The following LPP variants were observed in gnomAD, a reference collection of about 807,000 sequenced individuals.
LPP encodes lipoma-preferred partner.
In LPP, 38 loss-of-function variants were observed where a neutral mutation model predicts 60.4. The observed-to-expected ratio is 0.63, with a 90% CI of 0.49 to 0.83. The LOEUF (loss-of-function observed/expected upper bound fraction) is 0.83, where lower values mean the gene tolerates loss of function less well. LPP is among the 40% of genes least tolerant of loss of function. The pLI, the probability that LPP is intolerant of heterozygous loss-of-function variation, is 0.00. For synonymous variants in LPP, 328 were observed against 290.8 expected (o/e 1.13, Z -1.30); for missense variants, 902 against 783.6 (o/e 1.15, Z -1.80).
intron 4 of LPP, among the ~76,000 whole-genome samples, chr3:188,477,134 C>G (rs961003955): frequency 6.6e-6 from 1 of 152,214 alleles, no homozygotes; most frequent in Non-Finnish European, 1.5e-5. Context: ...CTTCCTCACA[C>G]CACTGTATCT....
At chr3:188,360,626 G>T (rs1769011433) in intron 3 of LPP, among the ~76,000 whole-genome samples, 1 of 152,040 alleles carries the variant, frequency 6.6e-6, no homozygotes, top group African/African-American at 2.4e-5. Context: ...CAAAGTGCTG[G>T]GATTACAGTC....
At chr3:188,306,800 G>T (rs879801810) in intron 2 of LPP, among the ~76,000 whole-genome samples, 8 of 152,170 alleles carry the variant, frequency 5.3e-5, no homozygotes, top group Admixed American at 3.9e-4. Flanking sequence ...AAACTCTTTG[G>T]TTTTTAAAAT....
chr3:188,748,100 G>C (rs574079339), intron 8 of LPP, among the ~76,000 whole-genome samples: 1 of 152,260 alleles, frequency 6.6e-6, no homozygotes, highest in East Asian at 1.9e-4. Flanking sequence ...AGATATATAA[G>C]TACATCTGCT....
chr3:188,548,598 G>A (rs1827272269), intron 6 of LPP, among the ~76,000 whole-genome samples: 1 of 152,058 alleles, frequency 6.6e-6, no homozygotes, highest in Admixed American at 6.6e-5. Context: ...GCCTTCTTTT[G>A]GGGGGATATT....
chr3:188,592,872 C>A (rs559605871), intron 6 of LPP, among the ~76,000 whole-genome samples: 1 of 151,828 alleles, frequency 6.6e-6, no homozygotes, highest in South Asian at 2.1e-4. Context: ...CTGTCTTACA[C>A]GAGGGCTTGC....
chr3:188,432,722 T>G (rs1161556661), intron 4 of LPP, among the ~76,000 whole-genome samples: 1 of 152,154 alleles, frequency 6.6e-6, no homozygotes, highest in Non-Finnish European at 1.5e-5. Flanking sequence ...TCTTTATTAC[T>G]TTTTGACATT....
chr3:188,714,728 G>T (rs1713087526), intron 8 of LPP, among the ~76,000 whole-genome samples: 1 of 151,976 alleles, frequency 6.6e-6, no homozygotes, highest in Admixed American at 6.6e-5. Flanking sequence ...TAAAGCAGTT[G>T]GATGAGTCTA....
intron 2 of LPP, among the ~76,000 whole-genome samples, chr3:188,293,364 T>C (rs931920165): frequency 7.2e-5 from 11 of 152,238 alleles, no homozygotes; most frequent in Admixed American, 2.0e-4. Context: ...AATCTAGCTA[T>C]ATCATGTTAG....
At chr3:188,650,100 C>T (rs1426307208) in intron 7 of LPP, among the ~76,000 whole-genome samples, 3 of 152,174 alleles carry the variant, frequency 2.0e-5, no homozygotes, top group Non-Finnish European at 4.4e-5. Flanking sequence ...TGCATCCATC[C>T]ATCCATTCAT....
In LPP at chr3:188,785,423, ATATATATATTC is replaced by A. The variant is rs1741281964; in HGVS notation, c.1410+25142_1410+25152del. On this transcript the variant is annotated intron_variant, in intron 9 of 11. Transcript: ENST00000617246. ...TTCCATCATATATATATATTCCATCATATATATATTCCATCATATATATATATTCCATCATA... is the reference window on the plus strand; with the variant it reads ...TTCCATCATATATATATATTCCATCACATCATATATATATATTCCATCATA... Among the ~76,000 whole-genome samples, 9 of 13,242 alleles carry A rather than the reference ATATATATATTC, an allele frequency of 6.8e-4. 1 individual carries two copies. Among genetic ancestry groups the A allele is most frequent in the African/African-American group, 3.9e-3 (7 of 1,810 alleles). The allele number at this position is 13,242 out of a possible 152,430, so 8.7% of individuals were successfully genotyped here. A position where few individuals can be genotyped will look rare whatever the true frequency, so the allele number is the denominator to read the frequency against.
intron 7 of LPP, among the ~76,000 whole-genome samples, chr3:188,678,450 A>T (rs1281893208): frequency 6.6e-6 from 1 of 152,206 alleles, no homozygotes; most frequent in Non-Finnish European, 1.5e-5. Flanking sequence ...AATATTGACT[A>T]TTTCCTGATA....
intron 5 of LPP, among the ~76,000 whole-genome samples, chr3:188,517,256 T>C (rs572936831): frequency 2.8e-4 from 42 of 152,236 alleles, no homozygotes; most frequent in Admixed American, 1.5e-3. Context: ...CTTTCACCAG[T>C]ATTCTTTTTT....
At chr3:188,354,984 T>C (rs758290016) in intron 3 of LPP, among the ~76,000 whole-genome samples, 61 of 152,268 alleles carry the variant, frequency 4.0e-4, no homozygotes, top group Non-Finnish European at 8.1e-4. Context: ...AGAAGAGACA[T>C]ATGTATATAT....
intron 4 of LPP, among the ~76,000 whole-genome samples, chr3:188,431,041 G>A (rs2149147591): frequency 6.6e-6 from 1 of 152,082 alleles, no homozygotes; most frequent in African/African-American, 2.4e-5. Context: ...TAAGTTTATA[G>A]TATTCCTAAG....
At chr3:188,251,456 C>T (rs1243416831) in intron 2 of LPP, among the ~76,000 whole-genome samples, 4 of 152,102 alleles carry the variant, frequency 2.6e-5, no homozygotes, top group African/African-American at 9.7e-5. Flanking sequence ...CATTGCTACT[C>T]TGGTGCCTTA....
chr3:188,240,410 G>C (rs568116833), intron 2 of LPP, among the ~76,000 whole-genome samples: 1 of 150,186 alleles, frequency 6.7e-6, no homozygotes, highest in African/African-American at 2.5e-5. Context: ...AGGTAAAGAG[G>C]AACAAATGAA....
chr3:188,255,380 T>C (rs988201155), intron 2 of LPP, among the ~76,000 whole-genome samples: 18 of 152,252 alleles, frequency 1.2e-4, no homozygotes, highest in Non-Finnish European at 2.4e-4. Context: ...AAACCAGGTC[T>C]GTATACCCAT....
intron 3 of LPP, among the ~76,000 whole-genome samples, chr3:188,360,522 C>T (rs1004684713): frequency 4.6e-5 from 7 of 151,418 alleles, no homozygotes; most frequent in Non-Finnish European, 8.8e-5. Context: ...AATTACATAA[C>T]TTTTTTTTTC....
intron 9 of LPP, among the ~76,000 whole-genome samples, chr3:188,774,784 T>A (rs547332974): frequency 1.6e-4 from 24 of 152,252 alleles, no homozygotes; most frequent in African/African-American, 5.5e-4. Context: ...CCACTAAGTG[T>A]CTTTTCTTAT....
Sources: allele counts gnomAD v4.1 joint callset (sites outside exome capture counted in the v4.1 genomes callset), GRCh38; gene constraint gnomAD v4.1.1; transcripts MANE v1.5; gene names NCBI Gene and HGNC (gene_info 2026-07-23, HGNC 2026-07-21).